The following SORCS1 variants were observed in gnomAD, a reference collection of about 807,000 sequenced individuals.
The protein encoded by SORCS1 is VPS10 domain-containing receptor SorCS1.
A neutral mutation model predicts 146.1 loss-of-function variants in SORCS1; 60 were observed. The observed-to-expected ratio is 0.41, with a 90% CI of 0.33 to 0.51. The LOEUF is 0.51. Ranked by LOEUF, SORCS1 falls within the 20% of genes least tolerant of loss-of-function variation. The pLI is 0.21. For missense variants in SORCS1, 1,352 were observed against 1,487.6 expected (o/e 0.91, Z 1.50); for synonymous variants, 637 against 584.0 (o/e 1.09, Z -1.31).
At chr10:106,878,403 A>C (rs1262757660) in intron 2 of SORCS1, among the ~76,000 whole-genome samples, 1 of 151,578 alleles carries the variant, frequency 6.6e-6, no homozygotes, top group Non-Finnish European at 1.5e-5. Context: ...TAGGAGCTGG[A>C]GACCTTGGGG....
At chr10:106,939,531 C>T (rs971307625) in intron 2 of SORCS1, among the ~76,000 whole-genome samples, 32 of 152,202 alleles carry the variant, frequency 2.1e-4, no homozygotes, top group African/African-American at 7.7e-4. Flanking sequence ...TGAAAGAAAA[C>T]GCAGTCCTGT....
At chr10:106,948,360 T>A (rs182191870) in intron 2 of SORCS1, among the ~76,000 whole-genome samples, 38 of 152,138 alleles carry the variant, frequency 2.5e-4, no homozygotes, top group African/African-American at 3.4e-4. Flanking sequence ...TGATTTTTTT[T>A]AAAAAAACAT....
At chr10:106,616,278 T>C (rs1307437587) in intron 21 of SORCS1, among the ~76,000 whole-genome samples, 8 of 152,132 alleles carry the variant, frequency 5.3e-5, no homozygotes, top group African/African-American at 1.9e-4. Flanking sequence ...TCAGTGCCCA[T>C]TAGTGCAACC....
At chr10:107,142,424 G>A (rs1408673341) in intron 1 of SORCS1, among the ~76,000 whole-genome samples, 2 of 152,190 alleles carry the variant, frequency 1.3e-5, no homozygotes, top group Non-Finnish European at 2.9e-5. Context: ...TTCGTTAAAT[G>A]ACACTTCTCA....
chr10:106,807,587 A>C (rs1237440711), intron 3 of SORCS1, among the ~76,000 whole-genome samples: 2 of 152,208 alleles, frequency 1.3e-5, no homozygotes, highest in Non-Finnish European at 2.9e-5. Context: ...TCAGTCATTT[A>C]AGGAAGACTC....
At chr10:106,582,434 A>G (rs1329438013) in intron 24 of SORCS1, among the ~76,000 whole-genome samples, 2 of 152,182 alleles carry the variant, frequency 1.3e-5, no homozygotes, top group Non-Finnish European at 2.9e-5. Context: ...CCAGAGACTG[A>G]CTACCACTGC....
chr10:106,956,454 CA>C lies in SORCS1; in HGVS notation c.626+58del, dbSNP rs1954946743. 3 of 1,499,646 alleles carry C rather than the reference CA, an allele frequency of 2.0e-6. No individual in the cohort carries two copies. The South Asian group carries it at 3.4e-5, about 17-fold the overall frequency. The allele number at this position is 1,499,646 out of a possible 1,614,324, so 92.9% of individuals were successfully genotyped here. On this transcript the variant is annotated intron_variant, in intron 2 of 25. Transcript: ENST00000263054. ...TGCCAGGAAAAAGTGGGTGGGACAG[CA>C]GTAGCAGGCATCATGCTTAAATAAC...
At position 107,123,077 on chromosome 10, in the gene SORCS1, CAAAAAAAA is replaced by C. The variant is rs35115429; in HGVS notation, c.558+40884_558+40891del. Reference sequence around the variant, plus strand: ...AAATCATGAGGCAAAGACAAACTGGCAAAAAAAAAAAAAAAAAAGGAAGAAAATGAACA... The same window carrying C: ...AAATCATGAGGCAAAGACAAACTGGCAAAAAAAAAAGGAAGAAAATGAACA... On this transcript the variant is annotated intron_variant, in intron 1 of 25. Coordinates refer to ENST00000263054, the MANE Select transcript of SORCS1 (RefSeq NM_052918.5). Among the ~76,000 whole-genome samples the C allele has an allele frequency of 3.8e-5, 3 of 79,136 alleles. No individual in the cohort carries two copies. The Admixed American group carries it at 4.1e-4, about 11-fold the overall frequency. 51.9% of individuals were successfully genotyped at this position (79,136 alleles called of 152,430 possible).
intron 8 of SORCS1, among the ~76,000 whole-genome samples, chr10:106,705,253 A>G (rs761287459): frequency 6.6e-6 from 1 of 152,222 alleles, no homozygotes; most frequent in Non-Finnish European, 1.5e-5. Flanking sequence ...AGTTCTTTCA[A>G]GTTAATAGTG....
In SORCS1 at chr10:106,671,239, A is replaced by G. The variant is rs1564840538; in HGVS notation, c.2187T>C (p.Asp729=). The G allele has an allele frequency of 1.2e-6, 2 of 1,614,084 alleles. No homozygotes were observed. The highest frequency in any genetic ancestry group is 1.7e-6 in the Non-Finnish European group (2 of 1,179,956). The change falls in exon 16 of 26, where the codon GAT becomes GAC. Residue 729 remains aspartate, a splice_region_variant and synonymous_variant. Coordinates refer to ENST00000263054, the MANE Select transcript of SORCS1 (RefSeq NM_052918.5). ...AGGAGATAATTGCACAAGCTCACCAATCAAAATCAGCCTCAGTGCAGACAC... is the reference window on the plus strand; with the variant it reads ...AGGAGATAATTGCACAAGCTCACCAGTCAAAATCAGCCTCAGTGCAGACAC... ...EPCVCTEADF[D]CDYGYERHSN...
At chr10:106,901,571 C>T (rs1431269536) in intron 2 of SORCS1, among the ~76,000 whole-genome samples, 1 of 152,094 alleles carries the variant, frequency 6.6e-6, no homozygotes, top group East Asian at 1.9e-4. Context: ...GTACCTGAGA[C>T]TAAAGGCATG....
Position 106,652,541 on chromosome 10 carries a change from C to T in SORCS1, c.2316G>A (p.Val772=). ...SYLNSTGYRK[V]VSNNCTDGVR... ...CGCCATCAGTGCAATTATTGGAAAC[C>T]ACCTTCCTGTACCTAAATGGAAAAA... is the stretch of plus-strand genomic sequence containing the variant. Residue 772 remains valine, a synonymous_variant, in exon 18 of 26, where the codon GTG becomes GTA. Coordinates refer to ENST00000263054, the MANE Select transcript of SORCS1 (RefSeq NM_052918.5). 6.2e-7 allele frequency: 1 copy of T among 1,613,392 alleles called. No individual in the cohort carries two copies. The highest frequency in any genetic ancestry group is 1.1e-5 in the South Asian group (1 of 91,054).
intron 3 of SORCS1, among the ~76,000 whole-genome samples, chr10:106,804,064 G>C (rs578042012): frequency 6.6e-6 from 1 of 152,288 alleles, no homozygotes; most frequent in Non-Finnish European, 1.5e-5. Flanking sequence ...TCATTAGAAA[G>C]AGGAAGTCAG....
At chr10:106,667,888 C>A in intron 16 of SORCS1, 86 bp from the exon 17 acceptor site, 1 of 780,768 alleles carries the variant, frequency 1.3e-6, no homozygotes, top group Non-Finnish European at 2.1e-6. Context: ...CCAAGTTCCA[C>A]ACTAATCAAT....
intron 4 of SORCS1, among the ~76,000 whole-genome samples, chr10:106,774,968 A>C (rs1427088863): frequency 6.6e-6 from 1 of 152,234 alleles, no homozygotes; most frequent in Non-Finnish European, 1.5e-5. Flanking sequence ...AACGCTAAAT[A>C]CTATTCACCA....
intron 9 of SORCS1, among the ~76,000 whole-genome samples, chr10:106,693,827 AG>A (rs1853485610): frequency 6.6e-6 from 1 of 152,164 alleles, no homozygotes; most frequent in African/African-American, 2.4e-5. Context: ...TATTTGTGTA[AG>A]AAAACCTTTT....
At chr10:107,099,371 C>T (rs1964762949) in intron 1 of SORCS1, among the ~76,000 whole-genome samples, 2 of 152,124 alleles carry the variant, frequency 1.3e-5, no homozygotes, top group African/African-American at 4.8e-5. Flanking sequence ...TAATATGTGA[C>T]CCTTTCCATG....
At chr10:106,729,320 C>T (rs1277310508) in intron 6 of SORCS1, among the ~76,000 whole-genome samples, 1 of 152,158 alleles carries the variant, frequency 6.6e-6, no homozygotes, top group African/African-American at 2.4e-5. Context: ...AAGTGTAGTC[C>T]TGTCCTTCAC....
intron 2 of SORCS1, among the ~76,000 whole-genome samples, chr10:106,877,023 A>T (rs1190582105): frequency 1.3e-5 from 2 of 152,184 alleles, no homozygotes; most frequent in Non-Finnish European, 2.9e-5. Context: ...CTAATTAGAC[A>T]TTTACCTAAT....
Sources: gnomAD v4.1 joint callset for allele counts (sites outside exome capture counted in the v4.1 genomes callset) on GRCh38, gnomAD v4.1.1 for gene constraint, MANE v1.5 for transcripts, NCBI Gene and HGNC (gene_info 2026-07-23, HGNC 2026-07-21) for gene names.